The following BTAF1 variants were observed in gnomAD, a reference collection of about 807,000 sequenced individuals.
BTAF1 encodes B-TFIID TATA-box binding protein associated factor 1.
In BTAF1, 38 loss-of-function variants were observed where a neutral mutation model predicts 227.1. The observed-to-expected ratio is 0.17, with a 90% CI of 0.13 to 0.22. The LOEUF (loss-of-function observed/expected upper bound fraction) is 0.22, where lower values mean the gene tolerates loss of function less well. BTAF1 is among the 10% of genes least tolerant of loss of function. BTAF1 has a pLI of 1.00. For missense variants in BTAF1, 1,598 were observed against 2,204.0 expected (o/e 0.73, Z 5.51); for synonymous variants, 742 against 751.9 (o/e 0.99, Z 0.21).
chr10:92,016,989 G>A (rs1850786082), intron 33 of BTAF1, among the ~76,000 whole-genome samples: 1 of 152,066 alleles, frequency 6.6e-6, no homozygotes, highest in Non-Finnish European at 1.5e-5. Context: ...GAAAAGAAGG[G>A]CTTTAGAATA....
Position 91,935,708 on chromosome 10 carries a change from A to G in BTAF1, c.66A>G (p.Arg22=). ...LLDTGTTPVT[R]KAAAQQLGEV... Reference sequence around the variant, plus strand: ...ATACTGGCACTACTCCTGTTACAAGAAAAGCTGCTGCACAGCAACTTGGAG... The same window carrying G: ...ATACTGGCACTACTCCTGTTACAAGGAAAGCTGCTGCACAGCAACTTGGAG... The change falls in exon 2 of 38, where the codon AGA becomes AGG. Residue 22 remains arginine (R), a synonymous_variant. Transcript: ENST00000265990. The G allele has an allele frequency of 6.2e-7, 1 of 1,613,712 alleles. No individual in the cohort carries two copies. Among genetic ancestry groups the G allele is most frequent in the Non-Finnish European group, 8.5e-7 (1 of 1,179,710 alleles).
Position 91,951,486 on chromosome 10 carries a change from G to A in BTAF1, c.484G>A (p.Gly162Arg), listed in dbSNP as rs746088993. 9 of 1,613,120 alleles carry A rather than the reference G, an allele frequency of 5.6e-6. No homozygotes were observed. Among genetic ancestry groups the A allele is most frequent in the Non-Finnish European group, 7.6e-6 (9 of 1,179,650 alleles). Residue 162 changes from glycine (G) to arginine (R), a missense_variant, in exon 5 of 38, where the codon GGA becomes AGA. Around this residue, in one of 10 missense-constraint regions of BTAF1, gnomAD observed 298 missense variants for 395.2 expected, o/e 0.75. Transcript: ENST00000265990. ...KLGLNMGEAI[G>R]MSTEELFNDE... ...TGGCCTTAATATGGGAGAAGCAATT[G>A]GAATGAGTACTGAAGAACTTTTCAA... is the stretch of plus-strand genomic sequence containing the variant.
At chr10:91,939,910 CAA>C in intron 2 of BTAF1, 40 bp from the exon 3 acceptor site, 3 of 1,390,826 alleles carry the variant, frequency 2.2e-6, no homozygotes, top group African/African-American at 1.4e-5. Flanking sequence ...CTTGCGCAAA[CAA>C]TATTTTTGTA....
At chr10:91,949,174 T>G (rs10748573) in intron 4 of BTAF1, among the ~76,000 whole-genome samples, 145,599 of 152,006 alleles carry the variant, frequency 0.96, 70,075 homozygotes, top group East Asian at 1. Flanking sequence ...TTAACTGGGT[T>G]TGGTGGTGCA....
At chr10:92,014,209 T>A (rs1850550179) in intron 32 of BTAF1, among the ~76,000 whole-genome samples, 180 bp downstream of exon 32, 1 of 152,076 alleles carries the variant, frequency 6.6e-6, no homozygotes, top group African/African-American at 2.4e-5. Flanking sequence ...TAAAACAAAA[T>A]TCAGTATCAT....
chr10:91,960,779 ATGT>A (rs1846457242), intron 11 of BTAF1, among the ~76,000 whole-genome samples: 1 of 152,174 alleles, frequency 6.6e-6, no homozygotes, highest in South Asian at 2.1e-4. Flanking sequence ...GTTTAGTGTA[ATGT>A]TATACATCAT....
At chr10:91,987,112 CTTTTTTTT>C (rs11347841) in intron 19 of BTAF1, among the ~76,000 whole-genome samples, 3 of 114,974 alleles carry the variant, frequency 2.6e-5, no homozygotes, top group Non-Finnish European at 3.8e-5. Flanking sequence ...CAAAAACTGG[CTTTTTTTT>C]TTTTTTTTTT....
intron 1 of BTAF1, among the ~76,000 whole-genome samples, chr10:91,934,959 A>G (rs1228868907): frequency 6.6e-6 from 1 of 152,132 alleles, no homozygotes; most frequent in Admixed American, 6.5e-5. Context: ...ATAATCCTCA[A>G]AGCACTTTGT....
intron 4 of BTAF1, 133 bp downstream of exon 4, chr10:91,942,701 C>T (rs535651689): frequency 2.4e-5 from 24 of 1,011,146 alleles, no homozygotes; most frequent in Non-Finnish European, 3.1e-5. Context: ...TTGCAGGTGG[C>T]GGGGGATGCT....
chr10:92,012,635 G>A (rs1850450249), intron 30 of BTAF1, among the ~76,000 whole-genome samples: 2 of 151,314 alleles, frequency 1.3e-5, no homozygotes, highest in Non-Finnish European at 2.9e-5. Flanking sequence ...GCCAGGCATG[G>A]TGACGCACGC....
intron 34 of BTAF1, among the ~76,000 whole-genome samples, chr10:92,021,961 A>G (rs566003565): frequency 1.3e-5 from 2 of 152,356 alleles, no homozygotes; most frequent in African/African-American, 4.8e-5. Context: ...CCTATGCTGA[A>G]GTTAGGGCAA....
chr10:91,927,440 G>A (rs1167880046), intron 1 of BTAF1, among the ~76,000 whole-genome samples: 2 of 151,974 alleles, frequency 1.3e-5, no homozygotes, highest in African/African-American at 2.4e-5. Flanking sequence ...ATTTTCTCTG[G>A]TTTTACTTCA....
chr10:91,996,596 T>G (rs1426425943), intron 24 of BTAF1, 26 bp downstream of exon 24: 4 of 1,602,334 alleles, frequency 2.5e-6, no homozygotes, highest in Non-Finnish European at 3.4e-6. Flanking sequence ...TGACAAACTG[T>G]TCAGGAATTA....
At chr10:91,969,188 A>C (rs1030098338) in intron 14 of BTAF1, among the ~76,000 whole-genome samples, 3 of 151,856 alleles carry the variant, frequency 2.0e-5, no homozygotes, top group African/African-American at 7.3e-5. Flanking sequence ...TGTTTTTTAA[A>C]GCCCTTTTAT....
chr10:91,971,375 C>A (rs759423570), intron 14 of BTAF1, among the ~76,000 whole-genome samples: 2 of 151,582 alleles, frequency 1.3e-5, no homozygotes, highest in Non-Finnish European at 2.9e-5. Flanking sequence ...ATCACTGATT[C>A]TTAGCAGTCT....
At chr10:91,936,366 T>C (rs906629271) in intron 2 of BTAF1, among the ~76,000 whole-genome samples, 2 of 126,286 alleles carry the variant, frequency 1.6e-5, no homozygotes, top group African/African-American at 3.5e-5. Flanking sequence ...GTGCTTTGTA[T>C]AGGAGGAGGG....
At chr10:91,943,589 A>C (rs1845162139) in intron 4 of BTAF1, among the ~76,000 whole-genome samples, 2 of 152,172 alleles carry the variant, frequency 1.3e-5, no homozygotes, top group African/African-American at 4.8e-5. Context: ...TACTCATTTC[A>C]TCTTGTTTAG....
At chr10:91,925,841 G>C (rs945274830) in intron 1 of BTAF1, among the ~76,000 whole-genome samples, 1 of 152,228 alleles carries the variant, frequency 6.6e-6, no homozygotes, top group African/African-American at 2.4e-5. Context: ...TTTTAGGACA[G>C]TTAATATTTC....
intron 24 of BTAF1, 118 bp from the exon 25 acceptor site, chr10:91,997,485 C>T: frequency 1.1e-6 from 1 of 877,782 alleles, no homozygotes; most frequent in Non-Finnish European, 1.7e-6. Context: ...AGTCTTTTCC[C>T]TCATAATACA....
Sources: gnomAD v4.1 joint callset for allele counts (sites outside exome capture counted in the v4.1 genomes callset) on GRCh38, gnomAD v4.1.1 for gene constraint, gnomAD v4.1.1 regional missense constraint, MANE v1.5 for transcripts, NCBI Gene and HGNC (gene_info 2026-07-23, HGNC 2026-07-21) for gene names.